The following HKDC1 variants were observed in gnomAD, a reference collection of about 807,000 sequenced individuals.
The protein encoded by HKDC1 is hexokinase domain containing 1.
Under a neutral mutation model 96.6 loss-of-function variants are expected in HKDC1, and 66 were observed. The observed-to-expected ratio is 0.68, with a 90% CI of 0.56 to 0.84. HKDC1 has a LOEUF of 0.84. HKDC1 is among the 40% of genes least tolerant of loss of function. The probability of loss-of-function intolerance (pLI) is 0.00; values close to 1 mark genes in which losing one functional copy is unlikely to be tolerated. For synonymous variants in HKDC1, 466 were observed against 473.1 expected (o/e 0.98, Z 0.20); for missense variants, 1,211 against 1,208.1 (o/e 1.00, Z -0.04).
At chr10:69,265,122 G>A (rs1330619734) in intron 16 of HKDC1, among the ~76,000 whole-genome samples, 1 of 152,232 alleles carries the variant, frequency 6.6e-6, no homozygotes, top group Non-Finnish European at 1.5e-5. Flanking sequence ...AAGTTAAATA[G>A]AAGGAAAGTT....
intron 6 of HKDC1, among the ~76,000 whole-genome samples, chr10:69,241,066 T>TA (rs958985368): frequency 4.6e-5 from 7 of 151,644 alleles, no homozygotes; most frequent in East Asian, 1.9e-4. Context: ...GTTAGCGTGA[T>TA]AAAAAAACAA....
At chr10:69,246,475 G>C (rs899181366) in intron 8 of HKDC1, among the ~76,000 whole-genome samples, 1 of 152,214 alleles carries the variant, frequency 6.6e-6, no homozygotes, top group Non-Finnish European at 1.5e-5. Flanking sequence ...CCCATGTTCT[G>C]TTGCCTTCTT....
intron 1 of HKDC1, among the ~76,000 whole-genome samples, chr10:69,222,287 T>C (rs1452081839): frequency 6.6e-6 from 1 of 152,224 alleles, no homozygotes; most frequent in Non-Finnish European, 1.5e-5. Context: ...CTTGGTGGGA[T>C]AAACTCCCAC....
Position 69,257,439 on chromosome 10 carries a change from G to T in HKDC1, c.2032+13G>T, listed in dbSNP as rs1165277752. The T allele has an allele frequency of 2.5e-6, 4 of 1,583,502 alleles. No individual in the cohort carries two copies. Among genetic ancestry groups the T allele is most frequent in the Non-Finnish European group, 3.5e-6 (4 of 1,152,058 alleles). ...GGCCTGATTGCAGGTAGGTGGTCAG[G>T]CATGGCCCATTGGCCTAATCCCACT... On this transcript the variant is annotated intron_variant, in intron 14 of 17. Transcript: ENST00000354624.
chr10:69,243,107 CA>C (rs1348243853), intron 6 of HKDC1, 74 bp from the exon 7 acceptor site: 70 of 1,449,676 alleles, frequency 4.8e-5, no homozygotes, highest in Non-Finnish European at 6.7e-5. Context: ...GAGGACTCCC[CA>C]GCAGTCAAGA....
At chr10:69,249,644 CAG>C (rs1564733250) in intron 10 of HKDC1, among the ~76,000 whole-genome samples, 20 of 152,142 alleles carry the variant, frequency 1.3e-4, no homozygotes, top group African/African-American at 4.3e-4. Context: ...TACAGGCGCC[CAG>C]CACCACACCC....
In HKDC1 at chr10:69,231,671, C is replaced by T. The variant is rs537515985; in HGVS notation, c.227-1093C>T. On this transcript the variant is annotated intron_variant, in intron 2 of 17. Transcript: ENST00000354624. ...ATAGCTGATTTATGCGCCTGTATTT[C>T]GGATCAATTTCCCAGGGAGCACACC... 5.3e-5 allele frequency among the ~76,000 whole-genome samples: 8 copies of T among 152,258 alleles called. No individual in the cohort carries two copies. In the East Asian group the frequency reaches 1.5e-3, roughly 29 times the overall value.
At chr10:69,256,904 G>A (rs1843724181) in intron 12 of HKDC1, 132 bp from the exon 13 acceptor site, 1 of 683,952 alleles carries the variant, frequency 1.5e-6, no homozygotes, top group South Asian at 1.7e-5. Context: ...GGTTGTGGAG[G>A]TGGAGGCATA....
At chr10:69,265,926 C>T in intron 17 of HKDC1, 108 bp downstream of exon 17, 1 of 789,214 alleles carries the variant, frequency 1.3e-6, no homozygotes, top group East Asian at 2.7e-5. Context: ...CATCCCCGTC[C>T]TTTTATGGGA....
chr10:69,261,251 AC>A lies in HKDC1; in HGVS notation c.2331del (p.Arg778GlyfsTer41), dbSNP rs1843805057. The A allele has an allele frequency of 6.2e-7, 1 of 1,614,054 alleles. No individual in the cohort carries two copies. The highest frequency in any genetic ancestry group is 8.5e-7 in the Non-Finnish European group (1 of 1,180,034). On this transcript the variant is annotated frameshift_variant, in exon 16 of 18. Transcript: ENST00000354624. LOFTEE classifies it high-confidence loss of function. ...FRGQISERLR[T>X]RGIFETKFLS... ...AGGGCAGATTTCAGAGCGTCTCCGG[AC>A]CAGGGGCATCTTCGAAACCAAGTTC...
chr10:69,258,807 C>T lies in HKDC1; in HGVS notation c.2064C>T (p.Asp688=), dbSNP rs1411378503. Residue 688 remains aspartate, a synonymous_variant, in exon 15 of 18, where the codon GAC becomes GAT. Transcript: ENST00000354624. ...GTGSNMCYME[D]MRNIEMVEGG... ...GCAGCAACATGTGCTACATGGAGGA[C>T]ATGAGGAACATCGAGATGGTGGAGG... 1 of 1,614,002 alleles carries T rather than the reference C, an allele frequency of 6.2e-7. No individual in the cohort carries two copies. The highest frequency in any genetic ancestry group is 2.2e-5 in the East Asian group (1 of 44,856).
intron 12 of HKDC1, among the ~76,000 whole-genome samples, chr10:69,253,384 G>A (rs1405061937): frequency 6.6e-6 from 1 of 152,196 alleles, no homozygotes; most frequent in Non-Finnish European, 1.5e-5. Flanking sequence ...CCTTCTGCAG[G>A]GGCTTGGGAG....
chr10:69,247,253 C>A, intron 8 of HKDC1, 107 bp from the exon 9 acceptor site: 1 of 729,160 alleles, frequency 1.4e-6, no homozygotes, highest in Non-Finnish European at 2.4e-6. Context: ...ATACCATGGA[C>A]CTGCCTATTA....
At chr10:69,233,280 G>A (rs1178154552) in intron 4 of HKDC1, 147 bp downstream of exon 4, 18 of 1,131,192 alleles carry the variant, frequency 1.6e-5, no homozygotes, top group East Asian at 9.5e-5. Flanking sequence ...AGGTGGCAGC[G>A]TGAGGCAGAG....
chr10:69,240,725 C>T lies in HKDC1; in HGVS notation c.665C>T (p.Pro222Leu), dbSNP rs1208260783. Residue 222 changes from proline to leucine, a missense_variant, in exon 6 of 18, where the codon CCC becomes CTC. Coordinates refer to ENST00000354624, the MANE Select transcript of HKDC1 (RefSeq NM_025130.4). ...ATGATGACCTGTGCCTATGACGACC[C>T]CTACTGCGAAGTTGGTGTCATCATC... The part of the protein sequence containing the change: ...GTMMTCAYDD[P>L]YCEVGVIIGT... 8.1e-6 allele frequency: 13 copies of T among 1,613,892 alleles called. No individual in the cohort carries two copies.
rs1843907595 is a variant in HKDC1, at chr10:69,266,768, G to A, written c.*11G>A. 6.2e-7 allele frequency: 1 copy of A among 1,610,046 alleles called. No homozygotes were observed. Among genetic ancestry groups the A allele is most frequent in the Non-Finnish European group, 8.5e-7 (1 of 1,178,664 alleles). Reference sequence around the variant, plus strand: ...CAGAAGGAGAACTAGGAACCCCTGGGATTGGACCTGATGCATCTTGGATAC... The same window carrying A: ...CAGAAGGAGAACTAGGAACCCCTGGAATTGGACCTGATGCATCTTGGATAC... On this transcript the variant is annotated 3_prime_UTR_variant, in exon 18 of 18. Coordinates refer to ENST00000354624, the MANE Select transcript of HKDC1 (RefSeq NM_025130.4).
At chr10:69,221,449 G>A (rs1380956401) in intron 1 of HKDC1, among the ~76,000 whole-genome samples, 7 of 152,046 alleles carry the variant, frequency 4.6e-5, no homozygotes, top group African/African-American at 9.7e-5. Context: ...TGGCCACACC[G>A]GCTGGCTGTC....
intron 1 of HKDC1, among the ~76,000 whole-genome samples, chr10:69,222,379 T>C (rs1843080279): frequency 9.7e-6 from 1 of 102,600 alleles, no homozygotes; most frequent in African/African-American, 2.6e-5. Context: ...GTTGATTAGA[T>C]TCAGAGCCCT....
chr10:69,255,534 C>T lies in HKDC1; in HGVS notation c.1837-1502C>T, dbSNP rs568919809. On this transcript the variant is annotated intron_variant, in intron 12 of 17. Transcript: ENST00000354624. ...CCTAGCTCTGCCTGCCTTCACCCCC[C>T]TGGCTTTCTAGATGATGGAGTGCGA... Among the ~76,000 whole-genome samples, 11 of 152,338 alleles carry T rather than the reference C, an allele frequency of 7.2e-5. No individual in the cohort carries two copies. The South Asian group carries it at 1.7e-3, about 23-fold the overall frequency.
Sources: allele counts gnomAD v4.1 joint callset (sites outside exome capture counted in the v4.1 genomes callset), GRCh38; gene constraint gnomAD v4.1.1; transcripts MANE v1.5; gene names NCBI Gene and HGNC (gene_info 2026-07-23, HGNC 2026-07-21).